The following TTLL8 variants were observed in gnomAD, a reference collection of about 807,000 sequenced individuals.
TTLL8 encodes the protein tubulin tyrosine ligase like 8, also known as protein monoglycylase TTLL8.
Under a neutral mutation model 77.8 loss-of-function variants are expected in TTLL8, and 65 were observed. The ratio of observed to expected loss-of-function variants is 0.84; its 90% CI spans 0.68 to 1.03. TTLL8 has a LOEUF of 1.03. Among genes scored for constraint, TTLL8 ranks in the 50% least tolerant of loss-of-function variants. The pLI, the probability that TTLL8 is intolerant of heterozygous loss-of-function variation, is 0.00. For synonymous variants in TTLL8, 402 were observed against 422.8 expected (o/e 0.95, Z 0.60); for missense variants, 910 against 1,004.5 (o/e 0.91, Z 1.27).
At chr22:50,050,109 C>T (rs1473537969) in exon 2 of TTLL8, 1 of 1,366,826 alleles carries the variant, frequency 7.3e-7, no homozygotes, top group South Asian at 1.1e-5. Flanking sequence ...GATACGCTAC[C>T]ATTGACCCGG....
chr22:50,037,064 T>G (rs892616519), intron 8 of TTLL8, among the ~76,000 whole-genome samples: 1 of 152,206 alleles, frequency 6.6e-6, no homozygotes, highest in African/African-American at 2.4e-5. Flanking sequence ...ATGGATTATC[T>G]GGGCCATTGG....
intron 5 of TTLL8, among the ~76,000 whole-genome samples, chr22:50,045,617 T>A (rs1187290596): frequency 6.6e-6 from 1 of 152,152 alleles, no homozygotes; most frequent in Non-Finnish European, 1.5e-5. Context: ...GAGCCGGCCT[T>A]GCCCCAGCTG....
intron 8 of TTLL8, among the ~76,000 whole-genome samples, chr22:50,035,927 G>A (rs147876583): frequency 1.0e-3 from 159 of 152,366 alleles, no homozygotes; most frequent in South Asian, 5.8e-3. Context: ...ACAAGTGTAC[G>A]CGCCACTGTG....
At chr22:50,057,051 C>G, upstream of TTLL8, 3 of 1,044,620 alleles carry the variant, frequency 2.9e-6, no homozygotes, top group Non-Finnish European at 3.9e-6. Flanking sequence ...TTCTGAGGCC[C>G]AAGCTGAGGG....
chr22:50,034,283 C>T lies in TTLL8; in HGVS notation c.1039+62G>A, dbSNP rs12484423. The T allele has an allele frequency of 0.17, 224,266 of 1,308,634 alleles. 20,083 individuals carry two copies. The highest frequency in any genetic ancestry group is 0.32 in the Admixed American group (15,257 of 47,258). The allele number at this position is 1,308,634 out of a possible 1,614,324, so 81.1% of individuals were successfully genotyped here. A position where few individuals can be genotyped will look rare whatever the true frequency, so the allele number is the denominator to read the frequency against. On this transcript the variant is annotated intron_variant, in intron 9 of 13. Transcript: ENST00000266182. The surrounding 1 kb of genome is among the most constrained non-coding windows in gnomAD (Gnocchi z 4.1). ...TGGGCCTGAAACTGTCCCTCACTCACGGCTCCTGGCATCAAGTGTGGCCGT... is the reference window on the plus strand; with the variant it reads ...TGGGCCTGAAACTGTCCCTCACTCATGGCTCCTGGCATCAAGTGTGGCCGT...
At chr22:50,027,970 G>A (rs1420124055) in intron 12 of TTLL8, among the ~76,000 whole-genome samples, 2 of 152,106 alleles carry the variant, frequency 1.3e-5, no homozygotes, top group African/African-American at 4.8e-5. Flanking sequence ...GCACCCACAA[G>A]TGAGAGGCGC....
intron 5 of TTLL8, chr22:50,045,647 G>A (rs2061405507): frequency 3.0e-6 from 2 of 660,326 alleles, no homozygotes; most frequent in Non-Finnish European, 1.9e-6. Flanking sequence ...CTGTCCACAA[G>A]CCTAGCACAG....
At chr22:50,046,229 G>C (rs1026638066) in intron 4 of TTLL8, among the ~76,000 whole-genome samples, 1 of 152,188 alleles carries the variant, frequency 6.6e-6, no homozygotes, top group African/African-American at 2.4e-5. Context: ...GCAGGCCCCA[G>C]GGAATGGGGA....
intron 8 of TTLL8, among the ~76,000 whole-genome samples, chr22:50,035,202 T>C (rs9617057): frequency 0.49 from 74,402 of 151,702 alleles, 18,836 homozygotes; most frequent in Non-Finnish European, 0.57. Context: ...TGTGAAGACC[T>C]GGTGGGGACC....
intron 12 of TTLL8, 59 bp downstream of exon 13, chr22:50,030,371 G>T: frequency 2.4e-6 from 3 of 1,244,856 alleles, no homozygotes; most frequent in Non-Finnish European, 3.1e-6. Flanking sequence ...GCTGGCGAGG[G>T]TTGGGGATGC....
chr22:50,036,365 G>A (rs762835982), intron 8 of TTLL8, among the ~76,000 whole-genome samples: 7 of 152,140 alleles, frequency 4.6e-5, no homozygotes, highest in Admixed American at 6.5e-5. Context: ...CTAAGAAAAC[G>A]CAGTGGGGTG....
At chr22:50,040,814 G>T (rs1380957771) in intron 8 of TTLL8, among the ~76,000 whole-genome samples, 1 of 152,170 alleles carries the variant, frequency 6.6e-6, no homozygotes, top group Non-Finnish European at 1.5e-5. Flanking sequence ...CCCATCAGCC[G>T]GCACCTGCTC....
At chr22:50,046,337 G>A (rs1476952659) in intron 4 of TTLL8, among the ~76,000 whole-genome samples, 1 of 152,232 alleles carries the variant, frequency 6.6e-6, no homozygotes, top group Non-Finnish European at 1.5e-5. Flanking sequence ...CCCAGGAGAG[G>A]GAGGAGCGGC....
At chr22:50,055,900 TC>T (rs2061468282), upstream of TTLL8, among the ~76,000 whole-genome samples, 1 of 152,024 alleles carries the variant, frequency 6.6e-6, no homozygotes, top group South Asian at 2.1e-4. Context: ...AGGGCTGCAT[TC>T]CCAGATGGTG....
chr22:50,045,374 G>C (rs1414127518), exon 6 of TTLL8: 3 of 1,365,970 alleles, frequency 2.2e-6, no homozygotes, highest in Non-Finnish European at 2.0e-6. Flanking sequence ...GGATGCCATG[G>C]TGCGCCGGAA....
At chr22:50,049,212 A>G (rs754110908) in intron 3 of TTLL8, 37 bp downstream of exon 5, 1 of 1,367,018 alleles carries the variant, frequency 7.3e-7, no homozygotes, top group African/African-American at 1.5e-5. Context: ...AGCTTTGGAG[A>G]GGCCGCAGCT....
At chr22:50,021,892 C>T (rs187126097) in intron 12 of TTLL8, among the ~76,000 whole-genome samples, 1,435 of 100,522 alleles carry the variant, frequency 0.014, 48 homozygotes, top group South Asian at 0.04. Flanking sequence ...CTCCATCTGA[C>T]GTGCACTCCT....
intron 8 of TTLL8, among the ~76,000 whole-genome samples, chr22:50,036,852 C>T (rs969209469): frequency 6.6e-6 from 1 of 152,340 alleles, no homozygotes; most frequent in Admixed American, 6.5e-5. Context: ...CCCGCCTCGG[C>T]CTCCTTAACT....
chr22:50,052,399 A>T (rs939212584), intron 1 of TTLL8, among the ~76,000 whole-genome samples: 10 of 152,238 alleles, frequency 6.6e-5, no homozygotes, highest in Non-Finnish European at 1.3e-4. Flanking sequence ...GATTTCCAAC[A>T]GGTAAGAGAG....
Sources: gnomAD v4.1 joint callset for allele counts (sites outside exome capture counted in the v4.1 genomes callset) on GRCh38, gnomAD v4.1.1 for gene constraint, Gnocchi (gnomAD v3.1) non-coding constraint, MANE v1.5 for transcripts, NCBI Gene and HGNC (gene_info 2026-07-23, HGNC 2026-07-21) for gene names.